Variants in MCU observed in about 807,000 individuals in gnomAD.
The protein encoded by MCU is calcium uniporter protein, mitochondrial.
A neutral mutation model predicts 45.2 loss-of-function variants in MCU; 12 were observed. That is an observed-to-expected ratio of 0.27 (90% CI 0.17 to 0.43). MCU has a LOEUF of 0.43. Among genes scored for constraint, MCU ranks in the 20% least tolerant of loss-of-function variants. The probability of loss-of-function intolerance (pLI) is 1.00; values close to 1 mark genes in which losing one functional copy is unlikely to be tolerated. For missense variants in MCU, 324 were observed against 436.7 expected (o/e 0.74, Z 2.30); for synonymous variants, 160 against 165.1 (o/e 0.97, Z 0.24).
intron 5 of MCU, among the ~76,000 whole-genome samples, chr10:72,871,035 G>A (rs1036968565): frequency 6.6e-6 from 1 of 152,114 alleles, no homozygotes; most frequent in East Asian, 1.9e-4. Context: ...CGATAGCTGG[G>A]ACTACAGGGA....
chr10:72,739,696 GA>G lies in MCU; in HGVS notation c.150+47396del, dbSNP rs565561442. On this transcript the variant is annotated intron_variant, in intron 1 of 7. Coordinates refer to ENST00000373053, the MANE Select transcript of MCU (RefSeq NM_138357.3). Reference sequence around the variant, plus strand: ...GAAGTTAGCCAATGAAGAACATTAAGATTTTTTTTTTTTTTTTGAGACCAGG... The same window carrying G: ...GAAGTTAGCCAATGAAGAACATTAAGTTTTTTTTTTTTTTTTGAGACCAGG... Among the ~76,000 whole-genome samples, 444 of 151,274 alleles carry G rather than the reference GA, an allele frequency of 2.9e-3. 4 individuals carry two copies. The highest frequency in any genetic ancestry group is 1.0e-2 in the African/African-American group (410 of 41,174).
intron 1 of MCU, among the ~76,000 whole-genome samples, chr10:72,742,814 GTCTT>G (rs1564544203): frequency 6.6e-6 from 1 of 152,150 alleles, no homozygotes; most frequent in Non-Finnish European, 1.5e-5. Flanking sequence ...GTTAGGAAAA[GTCTT>G]TCTCCTGAAG....
At chr10:72,794,366 A>G (rs976122827) in intron 1 of MCU, among the ~76,000 whole-genome samples, 2 of 152,206 alleles carry the variant, frequency 1.3e-5, no homozygotes, top group African/African-American at 4.8e-5. Flanking sequence ...GAATCCAACC[A>G]GACACATGGT....
chr10:72,713,316 G>T (rs565499705), intron 1 of MCU, among the ~76,000 whole-genome samples: 1 of 151,250 alleles, frequency 6.6e-6, no homozygotes, highest in Non-Finnish European at 1.5e-5. Context: ...TCTCACTCTT[G>T]TTCTCTAGGC....
chr10:72,826,570 T>C (rs2132823180), intron 1 of MCU, among the ~76,000 whole-genome samples: 1 of 152,256 alleles, frequency 6.6e-6, no homozygotes, highest in Admixed American at 6.5e-5. Context: ...TGAATTCAGG[T>C]GATGAAAAGA....
In MCU at chr10:72,692,631, C is replaced by G. The variant is rs959190212; in HGVS notation, c.150+330C>G. 31 of 1,116,724 alleles carry G rather than the reference C, an allele frequency of 2.8e-5. 1 individual carries two copies. The East Asian group carries it at 1.7e-3, about 60-fold the overall frequency. 69.2% of individuals were successfully genotyped at this position (1,116,724 alleles called of 1,614,324 possible). A position where few individuals can be genotyped will look rare whatever the true frequency, so the allele number is the denominator to read the frequency against. Reference sequence around the variant, plus strand: ...CGTTCCCTCCCTTCTTCGTTCTTAACAGCCCTGCCCCAAGGCTCCCTGAAC... The same window carrying G: ...CGTTCCCTCCCTTCTTCGTTCTTAAGAGCCCTGCCCCAAGGCTCCCTGAAC... On this transcript the variant is annotated intron_variant, in intron 1 of 7. Coordinates refer to ENST00000373053, the MANE Select transcript of MCU (RefSeq NM_138357.3).
intron 1 of MCU, 189 bp downstream of exon 1, chr10:72,692,490 C>A (rs999439354): frequency 1.1e-5 from 2 of 189,706 alleles, no homozygotes; most frequent in Non-Finnish European, 1.6e-5. Context: ...GGAGGGCGGG[C>A]GGGAGGAAGC....
rs7902696 is a variant in MCU, at chr10:72,874,782, A to G, written c.861+3202A>G. Among the ~76,000 whole-genome samples the G allele has an allele frequency of 6.6e-3, 999 of 152,280 alleles. 9 individuals carry two copies. The highest frequency in any genetic ancestry group is 0.023 in the African/African-American group (956 of 41,548). ...TTCAGCCAAACACTAATATTTTTCCAGTTATACCTTGAATCTAAAGATCAC... is the reference window on the plus strand; with the variant it reads ...TTCAGCCAAACACTAATATTTTTCCGGTTATACCTTGAATCTAAAGATCAC... On this transcript the variant is annotated intron_variant, in intron 6 of 7. Transcript: ENST00000373053.
At chr10:72,772,273 G>C (rs1843821828) in intron 1 of MCU, among the ~76,000 whole-genome samples, 1 of 152,246 alleles carries the variant, frequency 6.6e-6, no homozygotes, top group African/African-American at 2.4e-5. Flanking sequence ...AGCCAGCCTT[G>C]ACACACTGCT....
At chr10:72,779,330 C>A (rs2132748914) in intron 1 of MCU, among the ~76,000 whole-genome samples, 1 of 152,256 alleles carries the variant, frequency 6.6e-6, no homozygotes. Context: ...GACAATAAAA[C>A]TCTGAAGACA....
intron 1 of MCU, among the ~76,000 whole-genome samples, chr10:72,698,004 C>T (rs1564531627): frequency 6.6e-6 from 1 of 151,168 alleles, no homozygotes; most frequent in Non-Finnish European, 1.5e-5. Flanking sequence ...GGTTTCTTAA[C>T]TCCTGGCTTC....
Position 72,714,787 on chromosome 10 carries a change from G to GC in MCU, c.150+22494dup, listed in dbSNP as rs60307111. Among the ~76,000 whole-genome samples, 448 of 150,858 alleles carry GC rather than the reference G, an allele frequency of 3.0e-3. 4 individuals carry two copies. Among genetic ancestry groups the GC allele is most frequent in the Middle Eastern group, 0.01 (3 of 290 alleles). Reference sequence around the variant, plus strand: ...TTGAATTCCCAACTTCAGGTGATCTGCCCCCCCCTTGGCCTCCCAAAGTGC... The same window carrying GC: ...TTGAATTCCCAACTTCAGGTGATCTGCCCCCCCCCTTGGCCTCCCAAAGTGC... On this transcript the variant is annotated intron_variant, in intron 1 of 7. Coordinates refer to ENST00000373053, the MANE Select transcript of MCU (RefSeq NM_138357.3).
At chr10:72,723,355 ATCAT>A (rs1454854635) in intron 1 of MCU, among the ~76,000 whole-genome samples, 1 of 152,160 alleles carries the variant, frequency 6.6e-6, no homozygotes, top group Non-Finnish European at 1.5e-5. Flanking sequence ...CATATTCAGA[ATCAT>A]TCATTTTTAA....
At chr10:72,817,465 T>A (rs1334846779) in intron 1 of MCU, among the ~76,000 whole-genome samples, 1 of 152,230 alleles carries the variant, frequency 6.6e-6, no homozygotes, top group African/African-American at 2.4e-5. Context: ...GAATCTGTTC[T>A]TTAGACTTTG....
intron 1 of MCU, among the ~76,000 whole-genome samples, chr10:72,723,869 T>C (rs1365414587): frequency 1.3e-5 from 2 of 152,230 alleles, no homozygotes; most frequent in African/African-American, 4.8e-5. Context: ...ACCATGTTCT[T>C]TTACACTCAC....
intron 2 of MCU, among the ~76,000 whole-genome samples, chr10:72,838,195 A>G (rs117154578): frequency 0.013 from 2,045 of 152,264 alleles, 9 homozygotes; most frequent in Non-Finnish European, 0.02. Flanking sequence ...ACCAGGACCT[A>G]TCTTCACTCT....
intron 2 of MCU, among the ~76,000 whole-genome samples, chr10:72,851,677 A>C (rs1191201481): frequency 6.6e-6 from 1 of 152,204 alleles, no homozygotes. Context: ...TGTTATCTGC[A>C]TGAGTGGGTG....
intron 1 of MCU, among the ~76,000 whole-genome samples, chr10:72,760,868 C>G (rs149778630): frequency 6.6e-6 from 1 of 151,772 alleles, no homozygotes; most frequent in Admixed American, 6.6e-5. Flanking sequence ...TATTTTCATT[C>G]CTATTCAATA....
chr10:72,777,264 A>T (rs570962456), intron 1 of MCU, among the ~76,000 whole-genome samples: 47 of 152,344 alleles, frequency 3.1e-4, no homozygotes, highest in African/African-American at 9.6e-4. Context: ...GAGCAAAAAG[A>T]GCAAAGCTGG....
Sources: gnomAD v4.1 joint callset for allele counts (sites outside exome capture counted in the v4.1 genomes callset) on GRCh38, gnomAD v4.1.1 for gene constraint, MANE v1.5 for transcripts, NCBI Gene and HGNC (gene_info 2026-07-23, HGNC 2026-07-21) for gene names.